FRMPD1: variants seen among roughly 807,000 people sequenced by gnomAD.
FRMPD1 encodes the protein FERM and PDZ domain containing 1, also known as FERM and PDZ domain-containing protein 1.
FRMPD1 carries 76 observed loss-of-function variants against 117.8 expected under a neutral mutation model. The ratio of observed to expected loss-of-function variants is 0.65; its 90% CI spans 0.54 to 0.78. The LOEUF (loss-of-function observed/expected upper bound fraction) is 0.78, where lower values mean the gene tolerates loss of function less well. Among genes scored for constraint, FRMPD1 ranks in the 30% least tolerant of loss-of-function variants. FRMPD1 has a pLI of 0.00. For missense variants in FRMPD1, 1,786 were observed against 1,964.5 expected (o/e 0.91, Z 1.72); for synonymous variants, 783 against 770.4 (o/e 1.02, Z -0.27).
At chr9:37,708,342 A>C (rs893857878) in intron 3 of FRMPD1, 57 bp from the exon 4 acceptor site, 1 of 1,038,866 alleles carries the variant, frequency 9.6e-7, no homozygotes, top group East Asian at 2.4e-5. Flanking sequence ...CCGCTATTAC[A>C]CATAGAGTCT....
intron 1 of FRMPD1, among the ~76,000 whole-genome samples, chr9:37,671,810 A>G (rs540790455): frequency 2.9e-4 from 44 of 152,270 alleles, no homozygotes; most frequent in Middle Eastern, 3.4e-3. Context: ...TACTAAAAAT[A>G]CAAAAGTTAG....
At chr9:37,626,836 C>T in the FRMPD1 span, among the ~76,000 whole-genome samples, 1 of 151,954 alleles carries the variant, frequency 6.6e-6, no homozygotes, top group South Asian at 2.1e-4. Flanking sequence ...CACATACCTA[C>T]TGAATCATTA....
chr9:37,639,700 G>A, the FRMPD1 span, among the ~76,000 whole-genome samples: 1 of 152,180 alleles, frequency 6.6e-6, no homozygotes, highest in South Asian at 2.1e-4. Context: ...CACTTCCCAG[G>A]ACACTATTCC....
At chr9:37,618,358 CT>C in the FRMPD1 span, among the ~76,000 whole-genome samples, 1 of 152,164 alleles carries the variant, frequency 6.6e-6, no homozygotes, top group African/African-American at 2.4e-5. Context: ...CACTCAGCCC[CT>C]GACCCAAGAG....
rs772024773 is a variant in FRMPD1, at chr9:37,733,812, A to G, written c.1205A>G (p.Asn402Ser). The G allele has an allele frequency of 1.1e-5, 17 of 1,549,426 alleles. No individual in the cohort carries two copies. Among genetic ancestry groups the G allele is most frequent in the Non-Finnish European group, 1.4e-5 (16 of 1,121,362 alleles). Residue 402 changes from asparagine (N) to serine (S), a missense_variant, in exon 12 of 16, where the codon AAT becomes AGT. Transcript: ENST00000377765. The part of the protein sequence containing the change: ...ELKTYGGRIF[N>S]ATLMLQDRES... ...AAGACATATGGTGGAAGAATCTTTAATGCTACTTTAATGGTATGTATTAGA... is the reference window on the plus strand; with the variant it reads ...AAGACATATGGTGGAAGAATCTTTAGTGCTACTTTAATGGTATGTATTAGA...
At chr9:37,625,326 G>A in the FRMPD1 span, among the ~76,000 whole-genome samples, 1 of 152,122 alleles carries the variant, frequency 6.6e-6, no homozygotes, top group Non-Finnish European at 1.5e-5. Flanking sequence ...GAGATATTAG[G>A]GTTGTTCCAT....
At chr9:37,729,681 T>A in intron 7 of FRMPD1, 47 bp from the exon 8 acceptor site, 1 of 1,595,338 alleles carries the variant, frequency 6.3e-7, no homozygotes, top group South Asian at 1.1e-5. Context: ...GCCAGGGAAG[T>A]CCTTCCTGTT....
At chr9:37,640,937 A>T in the FRMPD1 span, among the ~76,000 whole-genome samples, 1 of 152,144 alleles carries the variant, frequency 6.6e-6, no homozygotes, top group African/African-American at 2.4e-5. Flanking sequence ...TTGGAGTGCA[A>T]TGGAGCGCAG....
chr9:37,698,046 C>G (rs1287945555), intron 2 of FRMPD1, among the ~76,000 whole-genome samples: 3 of 152,102 alleles, frequency 2.0e-5, no homozygotes, highest in Non-Finnish European at 4.4e-5. Flanking sequence ...ACCTGGGAGG[C>G]AGAGGTTGTG....
In FRMPD1 at chr9:37,740,348, A is replaced by C. The variant is rs1296929281; in HGVS notation, c.1820A>C (p.Glu607Ala). 6.2e-7 allele frequency: 1 copy of C among 1,613,578 alleles called. No individual in the cohort carries two copies. Among genetic ancestry groups the C allele is most frequent in the East Asian group, 2.2e-5 (1 of 44,900 alleles). Residue 607 changes from glutamate to alanine, a missense_variant, in exon 15 of 16, where the codon GAG becomes GCG. Transcript: ENST00000377765. This position sits in a 1 kb window ranked among gnomAD's most constrained non-coding sequence, Gnocchi z 4.2. ...GGCTACAGGACCAGTGGCTCGAGTG[A>C]GTCCATGGACGCTCTGGAAGAGGAT... ...SRGYRTSGSS[E>A]SMDALEEDDL...
chr9:37,742,911 A>G (rs1326168562), intron 15 of FRMPD1, among the ~76,000 whole-genome samples: 1 of 152,144 alleles, frequency 6.6e-6, no homozygotes, highest in East Asian at 1.9e-4. Context: ...AAAACAAAAA[A>G]CAAAAAAACC....
intron 1 of FRMPD1, among the ~76,000 whole-genome samples, chr9:37,652,108 C>T (rs148585987): frequency 2.6e-5 from 4 of 152,026 alleles, no homozygotes; most frequent in African/African-American, 9.7e-5. Context: ...GATCAGGAAG[C>T]GTTTCTGTTT....
chr9:37,623,426 A>G, the FRMPD1 span, among the ~76,000 whole-genome samples: 1 of 152,266 alleles, frequency 6.6e-6, no homozygotes, highest in African/African-American at 2.4e-5. Context: ...AAGGAAACAG[A>G]CAATCTTCAG....
At chr9:37,741,450 G>GAC (rs56971939) in intron 15 of FRMPD1, among the ~76,000 whole-genome samples, 24,335 of 135,264 alleles carry the variant, frequency 0.18, 2,167 homozygotes, top group East Asian at 0.28. Context: ...ATCCTGGCAG[G>GAC]ACACACACAC....
chr9:37,618,764 T>C, the FRMPD1 span, among the ~76,000 whole-genome samples: 135 of 152,304 alleles, frequency 8.9e-4, 1 homozygote, highest in Admixed American at 2.3e-3. Flanking sequence ...CTGAATCTGT[T>C]ACAAAGCATC....
At chr9:37,606,230 A>T in the FRMPD1 span, among the ~76,000 whole-genome samples, 1 of 152,222 alleles carries the variant, frequency 6.6e-6, no homozygotes, top group Non-Finnish European at 1.5e-5. Flanking sequence ...TCTTGTATTC[A>T]TAAAACAGTA....
Position 37,746,753 on chromosome 9 carries a change from C to A in FRMPD1, c.4721C>A (p.Ala1574Glu). 1 of 1,613,698 alleles carries A rather than the reference C, an allele frequency of 6.2e-7. No individual in the cohort carries two copies. Among genetic ancestry groups the A allele is most frequent in the South Asian group, 1.1e-5 (1 of 91,080 alleles). ...AVFCLTQKFR[A>E]STAL is the part of the protein sequence containing the mutation. ...TTCTGTTTGACCCAGAAGTTCCGGG[C>A]ATCCACGGCCCTGTAAACAGGTCAA... is the stretch of plus-strand genomic sequence containing the variant. Residue 1574 changes from alanine (A) to glutamate (E), a missense_variant, in exon 16 of 16, where the codon GCA becomes GAA. By Grantham distance (107) the Ala-to-Glu change is moderately radical. Transcript: ENST00000377765.
chr9:37,648,964 T>G (rs887727045), upstream of FRMPD1, among the ~76,000 whole-genome samples: 7 of 151,866 alleles, frequency 4.6e-5, no homozygotes, highest in Middle Eastern at 3.4e-3. Context: ...AGGAGGGACA[T>G]GAGGGCAATG....
chr9:37,688,942 A>G (rs1462077900), intron 1 of FRMPD1, among the ~76,000 whole-genome samples: 3 of 152,056 alleles, frequency 2.0e-5, no homozygotes, highest in Non-Finnish European at 4.4e-5. Flanking sequence ...TTCGGTTTTT[A>G]AAACTAAGTT....
Sources: gnomAD v4.1 joint callset for allele counts (sites outside exome capture counted in the v4.1 genomes callset) on GRCh38, gnomAD v4.1.1 for gene constraint, Gnocchi (gnomAD v3.1) non-coding constraint, MANE v1.5 for transcripts, NCBI Gene and HGNC (gene_info 2026-07-23, HGNC 2026-07-21) for gene names.